The following WDR64 variants were observed in gnomAD, a reference collection of about 807,000 sequenced individuals.
The protein encoded by WDR64 is WD repeat-containing protein 64.
Under a neutral mutation model 139.3 loss-of-function variants are expected in WDR64, and 112 were observed. That is an observed-to-expected ratio of 0.80 (90% confidence interval 0.69 to 0.94). WDR64 has a LOEUF of 0.94. Ranked by LOEUF, WDR64 falls within the 40% of genes least tolerant of loss-of-function variation. WDR64 has a pLI of 0.00. For synonymous variants in WDR64, 444 were observed against 437.7 expected (o/e 1.01, Z -0.18); for missense variants, 1,206 against 1,293.1 (o/e 0.93, Z 1.03).
chr1:241,765,598 C>T (rs1042315793), intron 15 of WDR64, among the ~76,000 whole-genome samples: 2 of 152,128 alleles, frequency 1.3e-5, no homozygotes, highest in African/African-American at 4.8e-5. Flanking sequence ...GACCTCTCCT[C>T]TTATTTAAAT....
At position 241,693,760 on chromosome 1, in the gene WDR64, G is replaced by C. The variant is rs577627593; in HGVS notation, c.974+6165G>C. Among the ~76,000 whole-genome samples, 4 of 152,146 alleles carry C rather than the reference G, an allele frequency of 2.6e-5. No individual in the cohort carries two copies. The South Asian group carries it at 8.3e-4, about 32-fold the overall frequency. On this transcript the variant is annotated intron_variant, in intron 8 of 27. Coordinates refer to ENST00000437684, the MANE Select transcript of WDR64 (RefSeq NM_001367482.1). ...GCTACAAACAAGAATCTGACTTGTT[G>C]CAACAACAACAGCCATATTATTCGG...
At chr1:241,794,163 A>G (rs1420872607) in intron 25 of WDR64, among the ~76,000 whole-genome samples, 2 of 147,218 alleles carry the variant, frequency 1.4e-5, no homozygotes, top group Non-Finnish European at 3.0e-5. Context: ...CCTGGGCAAC[A>G]AGAGCAAAAC....
chr1:241,783,062 T>C (rs555204643), intron 22 of WDR64, among the ~76,000 whole-genome samples: 46 of 152,318 alleles, frequency 3.0e-4, no homozygotes, highest in Admixed American at 1.6e-3. Context: ...CCCAGGGAGA[T>C]GTATGAATTA....
At chr1:241,724,126 A>C (rs1302527479) in intron 10 of WDR64, among the ~76,000 whole-genome samples, 1 of 152,166 alleles carries the variant, frequency 6.6e-6, no homozygotes. Context: ...GATAACTATG[A>C]AGTTTTACTG....
In WDR64 at chr1:241,674,255, T is replaced by C. The variant is rs1201549020; in HGVS notation, c.380-389T>C. ...AAAGCTGGCTGTTTATCTTTTTTTT[T>C]CTTTTCTTTTTTTTTTTTTTTGAGA... On this transcript the variant is annotated intron_variant, in intron 3 of 27. Transcript: ENST00000437684. Among the ~76,000 whole-genome samples the C allele has an allele frequency of 2.7e-4, 27 of 98,408 alleles. No individual in the cohort carries two copies. The East Asian group carries it at 5.9e-3, about 22-fold the overall frequency. 64.6% of individuals were successfully genotyped at this position (98,408 alleles called of 152,430 possible). A position where few individuals can be genotyped will look rare whatever the true frequency, so the allele number is the denominator to read the frequency against.
intron 9 of WDR64, among the ~76,000 whole-genome samples, chr1:241,718,158 A>G (rs1668471798): frequency 6.6e-6 from 1 of 152,206 alleles, no homozygotes; most frequent in Admixed American, 6.5e-5. Flanking sequence ...CTTAGCAAAC[A>G]TGTATTAAGC....
intron 15 of WDR64, among the ~76,000 whole-genome samples, chr1:241,763,292 C>T (rs1226886194): frequency 2.0e-5 from 3 of 151,942 alleles, no homozygotes. Flanking sequence ...CAATAAAGTG[C>T]CTTGTAGGCT....
At chr1:241,741,900 C>T (rs142267238) in intron 12 of WDR64, among the ~76,000 whole-genome samples, 2 of 152,012 alleles carry the variant, frequency 1.3e-5, no homozygotes, top group Admixed American at 1.3e-4. Flanking sequence ...CTAGTTTTCA[C>T]AATCAAAATA....
At chr1:241,722,516 A>C (rs924778337) in intron 9 of WDR64, among the ~76,000 whole-genome samples, 1 of 152,198 alleles carries the variant, frequency 6.6e-6, no homozygotes, top group Non-Finnish European at 1.5e-5. Context: ...AAAAAACTAG[A>C]ATTAGTGGAC....
chr1:241,668,525 C>G (rs1666107707), intron 2 of WDR64, among the ~76,000 whole-genome samples: 1 of 152,140 alleles, frequency 6.6e-6, no homozygotes, highest in Non-Finnish European at 1.5e-5. Flanking sequence ...ACTTTCCCAG[C>G]AAAGTTTCAT....
intron 4 of WDR64, among the ~76,000 whole-genome samples, chr1:241,674,983 T>G: frequency 2.5e-5 from 1 of 40,164 alleles, no homozygotes; most frequent in Non-Finnish European, 7.0e-5. Flanking sequence ...TTTCCTTCTT[T>G]CCTCCCTTTC....
At chr1:241,695,322 T>C (rs1016165278) in intron 8 of WDR64, among the ~76,000 whole-genome samples, 1 of 152,028 alleles carries the variant, frequency 6.6e-6, no homozygotes, top group Non-Finnish European at 1.5e-5. Flanking sequence ...CAACTATATG[T>C]TTTTTTTCCT....
chr1:241,745,068 G>A (rs1441475675), intron 13 of WDR64, among the ~76,000 whole-genome samples: 1 of 152,170 alleles, frequency 6.6e-6, no homozygotes, highest in African/African-American at 2.4e-5. Flanking sequence ...TTACGCTATG[G>A]AGCACTGGTA....
chr1:241,711,931 G>C, intron 9 of WDR64, 50 bp downstream of exon 9: 2 of 1,567,704 alleles, frequency 1.3e-6, no homozygotes, highest in Non-Finnish European at 1.8e-6. Flanking sequence ...TGCAAACATC[G>C]TTCTCTTCGA....
At chr1:241,667,118 A>AT (rs774390098) in intron 2 of WDR64, among the ~76,000 whole-genome samples, 1 of 152,238 alleles carries the variant, frequency 6.6e-6, no homozygotes, top group Non-Finnish European at 1.5e-5. Context: ...CGTAGGAGAC[A>AT]TAATTTCAAA....
At chr1:241,723,500 T>C (rs1442715831) in intron 10 of WDR64, 64 bp downstream of exon 10, 3 of 1,524,230 alleles carry the variant, frequency 2.0e-6, no homozygotes, top group Non-Finnish European at 2.7e-6. Flanking sequence ...TTGGAAGGCA[T>C]AGGGATGATA....
Position 241,784,953 on chromosome 1 carries a change from G to GGAAAAAAA in WDR64, c.2705+1572_2705+1573insGAAAAAAA, listed in dbSNP as rs766802128. 9.6e-4 allele frequency among the ~76,000 whole-genome samples: 60 copies of GGAAAAAAA among 62,246 alleles called. 6 individuals are homozygous for GGAAAAAAA. The highest frequency in any genetic ancestry group is 1.3e-3 in the Non-Finnish European group (41 of 32,512). 40.8% of individuals were successfully genotyped at this position (62,246 alleles called of 152,430 possible). ...TGGGCGACAGAGTGAGACTCTGTCT[G>GGAAAAAAA]AAAAAAAAAAAAAAAAAAAAAAAGA... On this transcript the variant is annotated intron_variant, in intron 23 of 27. Coordinates refer to ENST00000437684, the MANE Select transcript of WDR64 (RefSeq NM_001367482.1).
chr1:241,771,022 T>C (rs1171910499), intron 18 of WDR64, among the ~76,000 whole-genome samples: 1 of 152,236 alleles, frequency 6.6e-6, no homozygotes, highest in Non-Finnish European at 1.5e-5. Flanking sequence ...TTTGCTAAAA[T>C]GTAAGTACTC....
rs1419990986 is a variant in WDR64 at position 241,749,612 on chromosome 1, TG to T, written c.1662del (p.Trp554Ter). 1.2e-6 allele frequency: 2 copies of T among 1,613,912 alleles called. No homozygotes were observed. Among genetic ancestry groups the T allele is most frequent in the East Asian group, 4.5e-5 (2 of 44,888 alleles). On this transcript the variant is annotated frameshift_variant, in exon 14 of 28. Transcript: ENST00000437684. LOFTEE classifies it high-confidence loss of function. ...GAAGGTGTTGCCGGAGGGGAAAGAC[TG>T]GAAGGAGGACGAGCACTGCCTACGA... ...EMKVLPEGKD[W>X]KEDEHCLRRL...
Sources: gnomAD v4.1 joint callset for allele counts (sites outside exome capture counted in the v4.1 genomes callset) on GRCh38, gnomAD v4.1.1 for gene constraint, MANE v1.5 for transcripts, NCBI Gene and HGNC (gene_info 2026-07-23, HGNC 2026-07-21) for gene names.